Variants in CBLC observed in about 807,000 individuals in gnomAD.
CBLC encodes the protein Cbl proto-oncogene C, also known as E3 ubiquitin-protein ligase CBL-C.
CBLC carries 46 observed loss-of-function variants against 58.6 expected under a neutral mutation model. The ratio of observed to expected loss-of-function variants is 0.79; its 90% CI spans 0.62 to 1.00. CBLC has a LOEUF of 1.00. Among genes scored for constraint, CBLC ranks in the 50% least tolerant of loss-of-function variants. CBLC has a pLI of 0.00. For missense variants in CBLC, 655 were observed against 625.8 expected (o/e 1.05, Z -0.50); for synonymous variants, 271 against 264.2 (o/e 1.03, Z -0.25).
chr19:44,784,954 T>TTTG (rs1568558652), intron 5 of CBLC, among the ~76,000 whole-genome samples: 4 of 90,946 alleles, frequency 4.4e-5, no homozygotes, highest in Admixed American at 2.2e-4. Flanking sequence ...ACAGGTGTTT[T>TTTG]TTTTTTTTTT....
At chr19:44,788,227 C>G (rs988310922) in intron 5 of CBLC, among the ~76,000 whole-genome samples, 3 of 152,034 alleles carry the variant, frequency 2.0e-5, no homozygotes, top group African/African-American at 7.2e-5. Flanking sequence ...AGGGGATTCT[C>G]TCGCTTCAGC....
intron 5 of CBLC, among the ~76,000 whole-genome samples, chr19:44,787,605 T>C (rs1408423029): frequency 6.6e-6 from 1 of 150,590 alleles, no homozygotes; most frequent in Admixed American, 6.6e-5. Context: ...TCACCTGAAG[T>C]CAGGAGTTCA....
chr19:44,791,049 G>A (rs1968033008), intron 6 of CBLC, among the ~76,000 whole-genome samples: 1 of 151,894 alleles, frequency 6.6e-6, no homozygotes, highest in Non-Finnish European at 1.5e-5. Flanking sequence ...AACCCAGGAG[G>A]CGGAGGTTGC....
At chr19:44,786,373 C>G (rs911217400) in intron 5 of CBLC, among the ~76,000 whole-genome samples, 1 of 151,926 alleles carries the variant, frequency 6.6e-6, no homozygotes, top group Admixed American at 6.6e-5. Context: ...GCGCAGAACA[C>G]GAGGTCAGGA....
chr19:44,785,743 C>G (rs184165876), intron 5 of CBLC, among the ~76,000 whole-genome samples: 1 of 151,716 alleles, frequency 6.6e-6, no homozygotes, highest in African/African-American at 2.4e-5. Flanking sequence ...CAAGAACAGC[C>G]TGGTCAACAT....
chr19:44,793,373 C>A, intron 7 of CBLC, 101 bp from the exon 8 acceptor site: 1 of 1,293,898 alleles, frequency 7.7e-7, no homozygotes, highest in Non-Finnish European at 1.0e-6. Flanking sequence ...CTCTGTCTGT[C>A]TTCCCCACAT....
chr19:44,794,557 CG>C (rs1968141949), intron 9 of CBLC, among the ~76,000 whole-genome samples: 1 of 150,506 alleles, frequency 6.6e-6, no homozygotes, highest in Non-Finnish European at 1.5e-5. Flanking sequence ...CTCCACCTCC[CG>C]GGTTCAAGAA....
chr19:44,784,520 T>G (rs1967836349), intron 5 of CBLC, 119 bp downstream of exon 5: 6 of 993,732 alleles, frequency 6.0e-6, no homozygotes, highest in Non-Finnish European at 8.5e-6. Flanking sequence ...ATAGGGGACA[T>G]CTCAAATCTG....
intron 6 of CBLC, among the ~76,000 whole-genome samples, chr19:44,792,165 T>C (rs1968068674): frequency 1.3e-5 from 2 of 151,936 alleles, no homozygotes; most frequent in South Asian, 4.2e-4. Flanking sequence ...AGCTAATTTT[T>C]GTATTTTTAG....
At chr19:44,789,036 A>G (rs1967980148) in intron 5 of CBLC, among the ~76,000 whole-genome samples, 1 of 152,134 alleles carries the variant, frequency 6.6e-6, no homozygotes, top group Non-Finnish European at 1.5e-5. Flanking sequence ...CATGTGCTAT[A>G]CATGTCGGAA....
intron 4 of CBLC, 24 bp from the exon 5 acceptor site, chr19:44,784,240 C>T: frequency 6.4e-7 from 1 of 1,555,534 alleles, no homozygotes; most frequent in East Asian, 2.3e-5. Context: ...TCCCTCACCC[C>T]ATCCTACCTA....
intron 5 of CBLC, among the ~76,000 whole-genome samples, chr19:44,788,543 G>A (rs909858148): frequency 2.0e-5 from 3 of 149,238 alleles, no homozygotes; most frequent in African/African-American, 5.0e-5. Context: ...GCAGTGGTGC[G>A]ATATCCATTC....
chr19:44,783,864 C>T (rs541589903), intron 4 of CBLC, among the ~76,000 whole-genome samples: 1 of 152,226 alleles, frequency 6.6e-6, no homozygotes, highest in African/African-American at 2.4e-5. Context: ...CTAGAAGTCC[C>T]AGCTGTGTAC....
At chr19:44,780,136 TA>T (rs1967681279) in intron 1 of CBLC, among the ~76,000 whole-genome samples, 1 of 151,532 alleles carries the variant, frequency 6.6e-6, no homozygotes, top group Non-Finnish European at 1.5e-5. Context: ...AAATTCAGCG[TA>T]ATTTTTTTTT....
At chr19:44,798,742 G>A (rs561380049) in intron 9 of CBLC, among the ~76,000 whole-genome samples, 207 of 151,868 alleles carry the variant, frequency 1.4e-3, no homozygotes, top group African/African-American at 4.9e-3. Flanking sequence ...GTCTCAAAAA[G>A]AAAGAAAGAA....
At chr19:44,784,615 G>A (rs960499958) in intron 5 of CBLC, among the ~76,000 whole-genome samples, 1 of 152,200 alleles carries the variant, frequency 6.6e-6, no homozygotes, top group Non-Finnish European at 1.5e-5. Flanking sequence ...GCCATAGATC[G>A]GGCCCAGCCA....
chr19:44,778,050 G>T lies in CBLC; in HGVS notation c.119G>T (p.Ser40Ile). 6.2e-7 allele frequency: 1 copy of T among 1,609,118 alleles called. No homozygotes were observed. Among genetic ancestry groups the T allele is most frequent in the Non-Finnish European group, 8.5e-7 (1 of 1,179,644 alleles). Residue 40 changes from serine (S) to isoleucine (I), a missense_variant, in exon 1 of 11, where the codon AGT becomes ATT. Ser to Ile is a moderately radical substitution (Grantham distance 142). Coordinates refer to ENST00000647358, the MANE Select transcript of CBLC (RefSeq NM_012116.4). ...TGCGTCGACCCCCGGCTGTCCGTGA[G>T]TCCCCCTTCGCTGCGGGACCTGCTG... is the stretch of plus-strand genomic sequence containing the variant. ...EQCVDPRLSV[S>I]PPSLRDLLPR...
chr19:44,788,859 G>C (rs1449731281), intron 5 of CBLC, among the ~76,000 whole-genome samples: 1 of 152,074 alleles, frequency 6.6e-6, no homozygotes, highest in Non-Finnish European at 1.5e-5. Flanking sequence ...TCATGTCCAT[G>C]TTACAGAAGG....
chr19:44,789,712 GT>G (rs1180499883), intron 5 of CBLC, among the ~76,000 whole-genome samples: 1 of 152,108 alleles, frequency 6.6e-6, no homozygotes, highest in Non-Finnish European at 1.5e-5. Flanking sequence ...TTTTCATATC[GT>G]TTTCTGGTTC....
Sources: allele counts gnomAD v4.1 joint callset (sites outside exome capture counted in the v4.1 genomes callset), GRCh38; gene constraint gnomAD v4.1.1; transcripts MANE v1.5; gene names NCBI Gene and HGNC (gene_info 2026-07-23, HGNC 2026-07-21).